The following ATP8A2 variants were observed in gnomAD, a reference collection of about 807,000 sequenced individuals.
ATP8A2 encodes the protein ATPase phospholipid transporting 8A2, also known as phospholipid-transporting ATPase IB.
Under a neutral mutation model 165.6 loss-of-function variants are expected in ATP8A2, and 100 were observed. That is an observed-to-expected ratio of 0.60 (90% CI 0.51 to 0.71). The LOEUF (loss-of-function observed/expected upper bound fraction) is 0.71. Ranked by LOEUF, ATP8A2 falls within the 30% of genes least tolerant of loss-of-function variation. The pLI is 0.00. For synonymous variants in ATP8A2, 543 were observed against 548.8 expected (o/e 0.99, Z 0.15); for missense variants, 1,227 against 1,479.5 (o/e 0.83, Z 2.80).
intron 1 of ATP8A2, among the ~76,000 whole-genome samples, chr13:25,436,617 A>G (rs1053288669): frequency 5.3e-5 from 8 of 152,268 alleles, no homozygotes; most frequent in African/African-American, 1.9e-4. Context: ...CTTGGGGTAT[A>G]TACTCACTAA....
chr13:25,817,238 T>C (rs899885451), intron 27 of ATP8A2, among the ~76,000 whole-genome samples: 12 of 152,090 alleles, frequency 7.9e-5, no homozygotes, highest in Admixed American at 7.2e-4. Context: ...AAAAAAAATT[T>C]ACGAAGTCCT....
At chr13:25,666,409 A>G (rs964178348) in intron 24 of ATP8A2, among the ~76,000 whole-genome samples, 3 of 151,724 alleles carry the variant, frequency 2.0e-5, no homozygotes, top group Admixed American at 1.3e-4. Flanking sequence ...GTATGTGTAT[A>G]TATATATATT....
At chr13:25,669,412 C>A (rs2042219024) in intron 24 of ATP8A2, among the ~76,000 whole-genome samples, 1 of 152,186 alleles carries the variant, frequency 6.6e-6, no homozygotes, top group Non-Finnish European at 1.5e-5. Context: ...AAACATTTTT[C>A]TAGTCTTTGC....
At chr13:25,650,086 A>C (rs977623563) in intron 24 of ATP8A2, among the ~76,000 whole-genome samples, 5 of 152,150 alleles carry the variant, frequency 3.3e-5, no homozygotes, top group Non-Finnish European at 5.9e-5. Flanking sequence ...CCTCTGTAGA[A>C]ACCATGGTTT....
At chr13:25,631,349 A>C (rs1372717178) in intron 24 of ATP8A2, among the ~76,000 whole-genome samples, 2 of 152,200 alleles carry the variant, frequency 1.3e-5, no homozygotes, top group East Asian at 3.8e-4. Context: ...TGCAGCCAGT[A>C]GCTACCATAT....
intron 25 of ATP8A2, among the ~76,000 whole-genome samples, chr13:25,723,822 A>G (rs1329471853): frequency 6.6e-6 from 1 of 151,752 alleles, no homozygotes; most frequent in East Asian, 1.9e-4. Context: ...AGCTGACTTT[A>G]GGAAAGGGAG....
intron 30 of ATP8A2, among the ~76,000 whole-genome samples, chr13:25,845,268 C>T (rs1286627883): frequency 2.0e-5 from 3 of 152,142 alleles, no homozygotes; most frequent in Non-Finnish European, 4.4e-5. Flanking sequence ...CCCGGGTTTC[C>T]TGTTGGCATG....
At chr13:25,849,737 A>G (rs769243301) in intron 30 of ATP8A2, among the ~76,000 whole-genome samples, 1 of 152,142 alleles carries the variant, frequency 6.6e-6, no homozygotes, top group African/African-American at 2.4e-5. Flanking sequence ...CTGAACCCCA[A>G]CCAGATTTCA....
chr13:25,947,331 T>G (rs1011264053), intron 33 of ATP8A2, among the ~76,000 whole-genome samples: 18 of 152,192 alleles, frequency 1.2e-4, no homozygotes, highest in Non-Finnish European at 2.6e-4. Flanking sequence ...TGTCTACATC[T>G]TCATTAATTC....
intron 27 of ATP8A2, among the ~76,000 whole-genome samples, chr13:25,787,682 AG>A (rs2138386538): frequency 6.6e-6 from 1 of 152,346 alleles, no homozygotes; most frequent in Non-Finnish European, 1.5e-5. Context: ...AACTTGGCCC[AG>A]GGGCCTCTGG....
rs2041514914 is a variant in ATP8A2 at position 25,641,340 on chromosome 13, G to T, written c.2211+51641G>T. On this transcript the variant is annotated intron_variant, in intron 24 of 36. Coordinates refer to ENST00000381655, the MANE Select transcript of ATP8A2 (RefSeq NM_016529.6). Reference sequence around the variant, plus strand: ...GCCCCTGTTTGCAGATGATGTGATTGTATATTTAGAAAACCCCATCGTTTC... The same window carrying T: ...GCCCCTGTTTGCAGATGATGTGATTTTATATTTAGAAAACCCCATCGTTTC... Among the ~76,000 whole-genome samples, 4 of 152,140 alleles carry T rather than the reference G, an allele frequency of 2.6e-5. No homozygotes were observed. In the South Asian group the frequency reaches 8.3e-4, roughly 32 times the overall value.
rs560842041 is a variant in ATP8A2, at chr13:25,631,940, T to C, written c.2211+42241T>C. 6.6e-5 allele frequency among the ~76,000 whole-genome samples: 10 copies of C among 152,206 alleles called. 1 individual carries two copies. In the South Asian group the frequency reaches 1.2e-3, roughly 19 times the overall value. ...CTGGGTGTCCTACAATTTAACTCAG[T>C]TGGAGTTGGATCCCACAGATTAAGG... On this transcript the variant is annotated intron_variant, in intron 24 of 36. Coordinates refer to ENST00000381655, the MANE Select transcript of ATP8A2 (RefSeq NM_016529.6).
rs375311351 is a variant in ATP8A2 at position 25,665,079 on chromosome 13, A to G, written c.2212-34094A>G. Reference sequence around the variant, plus strand: ...CCCAGATGTACAAGGCAGCAGAAGCAACAAAGGCTGTGGCCAGCAACGAAG... The same window carrying G: ...CCCAGATGTACAAGGCAGCAGAAGCGACAAAGGCTGTGGCCAGCAACGAAG... On this transcript the variant is annotated intron_variant, in intron 24 of 36. Transcript: ENST00000381655. Among the ~76,000 whole-genome samples the G allele has an allele frequency of 3.3e-5, 5 of 152,098 alleles. No homozygotes were observed. In the South Asian group the frequency reaches 8.3e-4, roughly 25 times the overall value.
At chr13:25,762,653 T>C (rs1277607115) in intron 25 of ATP8A2, among the ~76,000 whole-genome samples, 1 of 152,228 alleles carries the variant, frequency 6.6e-6, no homozygotes, top group African/African-American at 2.4e-5. Context: ...CTTGGAATCA[T>C]GATTTTGGTA....
At chr13:25,743,724 G>A (rs2043966869) in intron 25 of ATP8A2, among the ~76,000 whole-genome samples, 1 of 152,204 alleles carries the variant, frequency 6.6e-6, no homozygotes. Context: ...GTACCACAGT[G>A]ATTTGTTCTA....
At position 25,533,301 on chromosome 13, in the gene ATP8A2, T is replaced by C. The variant is rs1566232990; in HGVS notation, c.495T>C (p.Ile165=). Residue 165 remains isoleucine (I), a synonymous_variant, in exon 6 of 37, where the codon ATT becomes ATC. Coordinates refer to ENST00000381655, the MANE Select transcript of ATP8A2 (RefSeq NM_016529.6). ...IVLRNGMWHT[I]MWKEVAVGDI... ...TAAGAAATGGTATGTGGCATACCAT[T>C]ATGTGGAAAGAGGTAAAAACTAATT... is the stretch of plus-strand genomic sequence containing the variant. 2.6e-6 allele frequency: 4 copies of C among 1,515,438 alleles called. No individual in the cohort carries two copies. The highest frequency in any genetic ancestry group is 9.1e-7 in the Non-Finnish European group (1 of 1,093,502). 93.9% of individuals were successfully genotyped at this position (1,515,438 alleles called of 1,614,324 possible).
At chr13:25,410,926 G>C (rs1475261401) in intron 1 of ATP8A2, among the ~76,000 whole-genome samples, 2 of 152,114 alleles carry the variant, frequency 1.3e-5, no homozygotes, top group African/African-American at 4.8e-5. Flanking sequence ...CTTTGTTCTT[G>C]CTATCAAAAC....
At chr13:25,682,245 C>T (rs78372234) in intron 24 of ATP8A2, among the ~76,000 whole-genome samples, 2,314 of 152,176 alleles carry the variant, frequency 0.015, 58 homozygotes, top group African/African-American at 0.052. Context: ...CTTGACCTTC[C>T]ACTCTTATTG....
chr13:25,409,815 T>A (rs1361002275), intron 1 of ATP8A2, among the ~76,000 whole-genome samples: 4 of 151,984 alleles, frequency 2.6e-5, no homozygotes, highest in African/African-American at 9.7e-5. Flanking sequence ...GTGGTTAGGG[T>A]ATAGTCTGAC....
Sources: allele counts gnomAD v4.1 joint callset (sites outside exome capture counted in the v4.1 genomes callset), GRCh38; gene constraint gnomAD v4.1.1; transcripts MANE v1.5; gene names NCBI Gene and HGNC (gene_info 2026-07-23, HGNC 2026-07-21).